The following COBLL1 variants were observed in gnomAD, a reference collection of about 807,000 sequenced individuals.
COBLL1 encodes cordon-bleu protein-like 1.
A neutral mutation model predicts 94.8 loss-of-function variants in COBLL1; 50 were observed. That is an observed-to-expected ratio of 0.53 (90% CI 0.42 to 0.67). The LOEUF is 0.67. Ranked by LOEUF, COBLL1 falls within the 30% of genes least tolerant of loss-of-function variation. The pLI is 0.00. For synonymous variants in COBLL1, 448 were observed against 473.8 expected, an observed-to-expected ratio of 0.95 and a Z score of 0.71; for missense variants, 1,362 against 1,348.7, an observed-to-expected ratio of 1.01 and a Z score of -0.15.
chr2:164,757,501 C>T (rs1687470930), intron 2 of COBLL1, among the ~76,000 whole-genome samples: 1 of 151,960 alleles, frequency 6.6e-6, no homozygotes, highest in East Asian at 1.9e-4. Context: ...ATATTTTTTA[C>T]TGAGATACAA....
At chr2:164,780,478 G>A (rs1688679179) in intron 2 of COBLL1, among the ~76,000 whole-genome samples, 1 of 151,998 alleles carries the variant, frequency 6.6e-6, no homozygotes, top group Admixed American at 6.6e-5. Context: ...ACATGGAAAA[G>A]TTTTGAGATT....
rs186520290 is a variant in COBLL1 at position 164,687,741 on chromosome 2, A to T, written c.3301-1709T>A. On this transcript the variant is annotated intron_variant, in intron 13 of 13. Transcript: ENST00000652658. ...TGCAGCCATTGCACACTGGGCCCCC[A>T]TAAGGAAAGGAACTCAGTACACTTA... The T allele has an allele frequency of 2.3e-4, 140 of 620,476 alleles. 1 individual carries two copies. The African/African-American group carries it at 2.4e-3, about 11-fold the overall frequency. 38.4% of individuals were successfully genotyped at this position (620,476 alleles called of 1,614,324 possible).
intron 7 of COBLL1, 177 bp from the exon 8 acceptor site, chr2:164,705,282 G>A: frequency 2.4e-6 from 1 of 415,478 alleles, no homozygotes; most frequent in East Asian, 3.7e-5. Flanking sequence ...GGATAGATAT[G>A]TAAAGAAAAA....
intron 2 of COBLL1, among the ~76,000 whole-genome samples, chr2:164,807,644 C>T (rs1259205469): frequency 6.6e-6 from 1 of 151,852 alleles, no homozygotes; most frequent in Non-Finnish European, 1.5e-5. Flanking sequence ...TGAGTATAGC[C>T]TATTAATAGT....
chr2:164,736,609 T>C (rs1686325829), intron 3 of COBLL1, among the ~76,000 whole-genome samples: 1 of 152,154 alleles, frequency 6.6e-6, no homozygotes, highest in South Asian at 2.1e-4. Flanking sequence ...ATTACCATCA[T>C]AAAAATTGTG....
chr2:164,819,368 T>C (rs1370408400), intron 2 of COBLL1, among the ~76,000 whole-genome samples: 1 of 152,128 alleles, frequency 6.6e-6, no homozygotes, highest in Non-Finnish European at 1.5e-5. Context: ...GCATAGGAAG[T>C]GAATTTATAA....
chr2:164,721,982 A>T, intron 7 of COBLL1, 93 bp downstream of exon 7: 1 of 914,580 alleles, frequency 1.1e-6, no homozygotes, highest in Non-Finnish European at 1.7e-6. Flanking sequence ...ACTACTTCTT[A>T]CTAGTCTACC....
intron 2 of COBLL1, among the ~76,000 whole-genome samples, chr2:164,838,090 T>C (rs1405254332): frequency 1.3e-5 from 2 of 152,102 alleles, no homozygotes; most frequent in Non-Finnish European, 2.9e-5. Flanking sequence ...ATGAAAGACA[T>C]TCAAGATGAC....
chr2:164,777,918 T>C lies in COBLL1; in HGVS notation c.42-34043A>G, dbSNP rs557745845. ...AAGAACTCTGAATTTTTATGTAAAA[T>C]TTTCTATGTTGTCAAATAATTTGCC... On this transcript the variant is annotated intron_variant, in intron 2 of 13. Coordinates refer to ENST00000652658, the MANE Select transcript of COBLL1 (RefSeq NM_001365672.2). Among the ~76,000 whole-genome samples the C allele has an allele frequency of 9.6e-4, 146 of 152,188 alleles. 1 individual carries two copies. Among genetic ancestry groups the C allele is most frequent in the Non-Finnish European group, 5.9e-4 (40 of 68,034 alleles).
At chr2:164,833,007 C>CA (rs1166069978) in intron 2 of COBLL1, among the ~76,000 whole-genome samples, 1 of 151,960 alleles carries the variant, frequency 6.6e-6, no homozygotes, top group East Asian at 1.9e-4. Flanking sequence ...AGCGCCATTG[C>CA]ACTCCAGCCT....
chr2:164,672,724 A>T (rs1297757356), intron 1 of COBLL1, among the ~76,000 whole-genome samples: 3 of 150,982 alleles, frequency 2.0e-5, no homozygotes, highest in South Asian at 4.1e-4. Flanking sequence ...AAAAAAAAAA[A>T]AAAAATGACT....
chr2:164,750,957 A>G (rs941628112), intron 2 of COBLL1, among the ~76,000 whole-genome samples: 1 of 152,164 alleles, frequency 6.6e-6, no homozygotes, highest in Non-Finnish European at 1.5e-5. Flanking sequence ...TGTTACTCCC[A>G]GTTTCAATGC....
At chr2:164,814,442 T>C (rs1472474665) in intron 2 of COBLL1, among the ~76,000 whole-genome samples, 1 of 152,196 alleles carries the variant, frequency 6.6e-6, no homozygotes, top group Non-Finnish European at 1.5e-5. Context: ...AGGAAGGCAT[T>C]GGGTGTGTCT....
intron 2 of COBLL1, among the ~76,000 whole-genome samples, chr2:164,831,619 G>T (rs1683081712): frequency 6.6e-6 from 1 of 151,904 alleles, no homozygotes; most frequent in Admixed American, 6.6e-5. Flanking sequence ...CAAGAGACAG[G>T]AAGAACCCAC....
At chr2:164,716,898 A>T (rs1305954097) in intron 7 of COBLL1, among the ~76,000 whole-genome samples, 1 of 152,184 alleles carries the variant, frequency 6.6e-6, no homozygotes, top group African/African-American at 2.4e-5. Context: ...GTGGTTGACA[A>T]AATTTTTCCT....
intron 2 of COBLL1, among the ~76,000 whole-genome samples, chr2:164,758,247 A>G (rs1227350951): frequency 2.0e-5 from 3 of 151,976 alleles, no homozygotes; most frequent in Non-Finnish European, 4.4e-5. Context: ...CCAACTAAAC[A>G]ATGGCAAAGA....
chr2:164,770,121 G>C (rs2105246657), intron 2 of COBLL1, among the ~76,000 whole-genome samples: 1 of 152,240 alleles, frequency 6.6e-6, no homozygotes, highest in African/African-American at 2.4e-5. Context: ...TTCCTGAGAA[G>C]GGAGTTAACT....
chr2:164,687,631 T>C (rs367983365), intron 13 of COBLL1: 30 of 996,570 alleles, frequency 3.0e-5, no homozygotes, highest in Admixed American at 3.4e-5. Flanking sequence ...GACATGAACA[T>C]ACATCTGAAA....
chr2:164,783,465 G>A (rs532770618), intron 2 of COBLL1, among the ~76,000 whole-genome samples: 43 of 145,016 alleles, frequency 3.0e-4, no homozygotes, highest in Non-Finnish European at 5.0e-4. Context: ...AGAGAGGAGA[G>A]AAGAGAGCCT....
Sources: allele counts gnomAD v4.1 joint callset (sites outside exome capture counted in the v4.1 genomes callset), GRCh38; gene constraint gnomAD v4.1.1; transcripts MANE v1.5; gene names NCBI Gene and HGNC (gene_info 2026-07-23, HGNC 2026-07-21).